Variants in SEMA4A observed in about 807,000 individuals in gnomAD.
SEMA4A encodes semaphorin 4A.
SEMA4A carries 52 observed loss-of-function variants against 72.5 expected under a neutral mutation model. The observed-to-expected ratio is 0.72, with a 90% confidence interval of 0.57 to 0.90. The LOEUF is 0.90. Among genes scored for constraint, SEMA4A ranks in the 40% least tolerant of loss-of-function variants. SEMA4A has a pLI of 0.00. For synonymous variants in SEMA4A, 369 were observed against 393.1 expected (o/e 0.94, Z 0.73); for missense variants, 926 against 959.7 (o/e 0.96, Z 0.46).
intron 3 of SEMA4A, 100 bp downstream of exon 3, chr1:156,156,674 T>TACAGATAACAGCAACTA: frequency 8.7e-7 from 1 of 1,143,370 alleles, no homozygotes; most frequent in Non-Finnish European, 1.3e-6. Context: ...TAGTTGCTGT[T>TACAGATAACAGCAACTA]ATCTGTAATC....
chr1:156,170,095 G>A (rs1292396560), intron 10 of SEMA4A, among the ~76,000 whole-genome samples: 1 of 152,014 alleles, frequency 6.6e-6, no homozygotes, highest in Non-Finnish European at 1.5e-5. Context: ...GGCCGAGGTG[G>A]GAGGATAACT....
At chr1:156,160,865 A>T (rs749069746) in intron 7 of SEMA4A, 40 bp from the exon 8 acceptor site, 6 of 1,612,500 alleles carry the variant, frequency 3.7e-6, no homozygotes, top group Non-Finnish European at 5.1e-6. Context: ...CAGGGCATGC[A>T]GGGGCTCAGT....
chr1:156,154,695 G>A lies in SEMA4A; in HGVS notation c.117G>A (p.Met39Ile). 6.3e-7 allele frequency: 1 copy of A among 1,588,472 alleles called. No homozygotes were observed. The change falls in exon 2 of 15, where the codon ATG (methionine) becomes ATA (isoleucine). Residue 39 changes from methionine (M) to isoleucine (I), a missense_variant. By Grantham distance (10) the Met-to-Ile change is conservative. Transcript: ENST00000368285. ...TTAGGGGQGP[M>I]PRVRYYAGDE... ...CGGGGGGAGGCGGGCAGGGGCCCAT[G>A]CCCAGGGTCAGATACTATGCAGGTA...
intron 10 of SEMA4A, among the ~76,000 whole-genome samples, chr1:156,170,187 G>C (rs185410422): frequency 3.0e-4 from 45 of 152,226 alleles, no homozygotes; most frequent in African/African-American, 1.1e-3. Context: ...GCTGGGTCCA[G>C]GCGTGGTGGC....
In SEMA4A at chr1:156,158,102, T is replaced by G. The variant is rs1185643356; in HGVS notation, c.333T>G (p.Ser111Arg). The G allele has an allele frequency of 1.9e-6, 3 of 1,613,228 alleles. No individual in the cohort carries two copies. Among genetic ancestry groups the G allele is most frequent in the South Asian group, 2.2e-5 (2 of 91,026 alleles). ...GGCCAGCCAGTGACAGAAAAAAGAG[T>G]GAATGTGCCTTTAAGAAGAAGAGCA... ...IPWPASDRKK[S>R]ECAFKKKSNE... The change falls in exon 4 of 15, where the codon AGT (serine) becomes AGG (arginine). Residue 111 changes from serine (S) to arginine (R), a missense_variant. Coordinates refer to ENST00000368285, the MANE Select transcript of SEMA4A (RefSeq NM_022367.4).
chr1:156,171,751 AT>A (rs933944672), intron 10 of SEMA4A, among the ~76,000 whole-genome samples: 34 of 148,396 alleles, frequency 2.3e-4, no homozygotes, highest in Non-Finnish European at 2.4e-4. Context: ...TAATTTTTGT[AT>A]TTTTTAATTA....
intron 2 of SEMA4A, 144 bp from the exon 3 acceptor site, chr1:156,156,270 C>T: frequency 1.3e-6 from 1 of 748,674 alleles, no homozygotes; most frequent in East Asian, 2.7e-5. Context: ...AAGGGAAGAA[C>T]TGCTGGTGGA....
intron 11 of SEMA4A, among the ~76,000 whole-genome samples, chr1:156,173,972 G>A (rs1655060436): frequency 6.6e-6 from 1 of 152,138 alleles, no homozygotes. Flanking sequence ...TTAGCAGTGT[G>A]TAGTGGCACG....
chr1:156,169,407 C>CTTTTTTTTTTTTTTTTT (rs766983966), intron 10 of SEMA4A, among the ~76,000 whole-genome samples: 1 of 85,302 alleles, frequency 1.2e-5, no homozygotes, highest in Non-Finnish European at 2.3e-5. Context: ...CTTTTCTTTT[C>CTTTTTTTTTTTTTTTTT]TTTTTTTTTT....
rs2103017419 is a variant in SEMA4A at position 156,177,576 on chromosome 1, A to G, written c.*579A>G. The G allele has an allele frequency of 5.6e-6, 1 of 179,576 alleles. No homozygotes were observed. Among genetic ancestry groups the G allele is most frequent in the Admixed American group, 5.4e-5 (1 of 18,624 alleles). The allele number at this position is 179,576 out of a possible 1,614,324, so 11.1% of individuals were successfully genotyped here. A position where few individuals can be genotyped will look rare whatever the true frequency, so the allele number is the denominator to read the frequency against. On this transcript the variant is annotated 3_prime_UTR_variant, in exon 15 of 15. Transcript: ENST00000368285. ...CCTTTCTTCTTGCTTCAGTTGGGGC[A>G]GACTCTGATCCCTTCTGCCCTGGCA...
chr1:156,170,647 G>A (rs375271700), intron 10 of SEMA4A, among the ~76,000 whole-genome samples: 157 of 151,680 alleles, frequency 1.0e-3, no homozygotes, highest in African/African-American at 3.7e-3. Context: ...CCAGCTACTC[G>A]GGAGGCTGAG....
At chr1:156,149,665 C>T (rs1354568248), upstream of SEMA4A, 1 of 152,194 alleles carries the variant, frequency 6.6e-6, no homozygotes, top group African/African-American at 2.4e-5. Flanking sequence ...TACACAGTTC[C>T]CGGGGTAGAG....
chr1:156,176,555 A>G lies in SEMA4A; in HGVS notation c.1844A>G (p.Gln615Arg), dbSNP rs1655354277. 6.2e-7 allele frequency: 1 copy of G among 1,614,152 alleles called. No homozygotes were observed. The change falls in exon 15 of 15, where the codon CAG (glutamine) becomes CGG (arginine). Residue 615 changes from glutamine to arginine, a missense_variant. Physicochemically the swap from Gln to Arg is conservative, Grantham distance 43 (BLOSUM62 1). Transcript: ENST00000368285. The stretch of plus-strand genomic sequence containing the variant: ...AATGGCTCCCTCTTGCTGATAGTGC[A>G]GGATGGAGTTGGGGGTCTCTACCAG... ...VYNGSLLLIV[Q>R]DGVGGLYQCW...
intron 14 of SEMA4A, among the ~76,000 whole-genome samples, 186 bp from the exon 15 acceptor site, chr1:156,176,219 G>A (rs977845687): frequency 3.3e-5 from 5 of 151,572 alleles, no homozygotes; most frequent in Non-Finnish European, 5.9e-5. Flanking sequence ...GGCAGAGGTT[G>A]CAGTGAGCTG....
At chr1:156,172,059 C>T (rs148243437) in intron 10 of SEMA4A, among the ~76,000 whole-genome samples, 3,347 of 151,156 alleles carry the variant, frequency 0.022, 54 homozygotes, top group Non-Finnish European at 0.033. Context: ...GTTGGGATTA[C>T]AGGCGTGAGC....
chr1:156,163,894 T>C (rs577898344), intron 10 of SEMA4A, among the ~76,000 whole-genome samples: 2 of 151,724 alleles, frequency 1.3e-5, no homozygotes, highest in South Asian at 4.2e-4. Flanking sequence ...GAGCTGGGCC[T>C]GGTGGCATGT....
intron 2 of SEMA4A, chr1:156,155,980 G>T: frequency 3.8e-6 from 1 of 262,334 alleles, no homozygotes; most frequent in Non-Finnish European, 7.6e-6. Context: ...AGCAGGGGTG[G>T]TTGGGGGGAT....
rs1653805507 is a variant in SEMA4A at position 156,162,987 on chromosome 1, C to A, written c.1027C>A (p.Leu343Ile). The change falls in exon 10 of 15, where the codon CTC becomes ATC. Residue 343 changes from leucine (L) to isoleucine (I), a missense_variant. Transcript: ENST00000368285. Reference protein sequence around the residue: ...TRSSAVCAFSLLDIERVFKGK... With the variant: ...TRSSAVCAFSILDIERVFKGK... Reference sequence around the variant, plus strand: ...GAGCTCTGCGGTTTGTGCCTTCTCTCTCTTGGACATTGAACGTGTCTTTAA... The same window carrying A: ...GAGCTCTGCGGTTTGTGCCTTCTCTATCTTGGACATTGAACGTGTCTTTAA... 3.7e-6 allele frequency: 6 copies of A among 1,614,148 alleles called. No homozygotes were observed. The highest frequency in any genetic ancestry group is 5.1e-6 in the Non-Finnish European group (6 of 1,180,038).
intron 6 of SEMA4A, among the ~76,000 whole-genome samples, chr1:156,159,271 T>C (rs1214133676): frequency 1.3e-5 from 2 of 151,634 alleles, no homozygotes; most frequent in Non-Finnish European, 2.9e-5. Flanking sequence ...GAGGTGGAGG[T>C]TGCAGTGAGC....
Sources: allele counts gnomAD v4.1 joint callset (sites outside exome capture counted in the v4.1 genomes callset), GRCh38; gene constraint gnomAD v4.1.1; transcripts MANE v1.5; gene names NCBI Gene and HGNC (gene_info 2026-07-23, HGNC 2026-07-21).